Variants in ARMC6 observed in about 807,000 individuals in gnomAD.
ARMC6 encodes armadillo repeat-containing protein 6.
ARMC6 carries 43 observed loss-of-function variants against 49.2 expected under a neutral mutation model. The observed-to-expected ratio is 0.87, with a 90% CI of 0.69 to 1.13. The LOEUF is 1.13. Among genes scored for constraint, ARMC6 ranks in the 50% most tolerant of loss-of-function variants. ARMC6 has a pLI of 0.00. For missense variants in ARMC6, 627 were observed against 682.0 expected (o/e 0.92, Z 0.90); for synonymous variants, 262 against 289.6 (o/e 0.90, Z 0.97).
chr19:19,048,072 T>G (rs1441161583), intron 4 of ARMC6, among the ~76,000 whole-genome samples: 1 of 151,848 alleles, frequency 6.6e-6, no homozygotes, highest in Non-Finnish European at 1.5e-5. Context: ...TTAGGCCACG[T>G]GTGGTGGCTC....
rs1003446599 is a variant in ARMC6 at position 19,058,015 on chromosome 19, C to T, written c.*387C>T. 8 of 334,424 alleles carry T rather than the reference C, an allele frequency of 2.4e-5. No homozygotes were observed. The highest frequency in any genetic ancestry group is 2.3e-4 in the East Asian group (3 of 12,816). The allele number at this position is 334,424 out of a possible 1,614,324, so 20.7% of individuals were successfully genotyped here. A position where few individuals can be genotyped will look rare whatever the true frequency, so the allele number is the denominator to read the frequency against. On this transcript the variant is annotated 3_prime_UTR_variant, in exon 9 of 9. Transcript: ENST00000535612. ...ATTCCAGTGGGGTTGGGCCCCCTGG[C>T]GCCTGCTGCTTACTGCAGTTTCATG...
At chr19:19,056,323 G>A (rs1328064532) in intron 8 of ARMC6, among the ~76,000 whole-genome samples, 1 of 149,236 alleles carries the variant, frequency 6.7e-6, no homozygotes, top group Non-Finnish European at 1.5e-5. Flanking sequence ...GTGCAGTGGC[G>A]CCATCTCAGC....
chr19:19,044,759 G>C (rs934224938), intron 4 of ARMC6, among the ~76,000 whole-genome samples: 3 of 152,218 alleles, frequency 2.0e-5, no homozygotes, highest in Non-Finnish European at 2.9e-5. Flanking sequence ...CCATTGTAGA[G>C]ATGGGGACAT....
chr19:19,042,649 G>T, intron 2 of ARMC6, 62 bp from the exon 3 acceptor site: 3 of 1,576,852 alleles, frequency 1.9e-6, no homozygotes, highest in Non-Finnish European at 2.6e-6. Flanking sequence ...TTTCAAGGTG[G>T]CCAGGCCCTG....
Position 19,055,793 on chromosome 19 carries a change from G to A in ARMC6, c.1158G>A (p.Val386=). 1 of 1,568,014 alleles carries A rather than the reference G, an allele frequency of 6.4e-7. No individual in the cohort carries two copies. Among genetic ancestry groups the A allele is most frequent in the Non-Finnish European group, 8.7e-7 (1 of 1,149,070 alleles). ...CTTTCTGTGACTGGCCCCTGCAGGT[G>A]TGTGAGCAGAGCTGCGCGGCCCTGT... ...AMTQHLTSPQ[V]CEQSCAALCF... The change falls in exon 8 of 9, where the codon GTG becomes GTA. Residue 386 remains valine, a splice_region_variant and synonymous_variant. Coordinates refer to ENST00000535612, the MANE Select transcript of ARMC6 (RefSeq NM_001199196.2). This position sits in a 1 kb window ranked among gnomAD's most constrained non-coding sequence, Gnocchi z 5.7.
rs1367823876 is a variant in ARMC6 at position 19,055,698 on chromosome 19, C to T, written c.1156-93C>T. On this transcript the variant is annotated intron_variant, in intron 7 of 8. Coordinates refer to ENST00000535612, the MANE Select transcript of ARMC6 (RefSeq NM_001199196.2). The surrounding 1 kb of genome is among the most constrained non-coding windows in gnomAD (Gnocchi z 5.7). ...TGCCAGAGACCCACGGAGGGGAGGC[C>T]GCAGGGTGTTCACCAGGGGTTGGTG... 44 of 1,483,794 alleles carry T rather than the reference C, an allele frequency of 3.0e-5. No individual in the cohort carries two copies. Among genetic ancestry groups the T allele is most frequent in the African/African-American group, 1.3e-4 (9 of 71,484 alleles). 91.9% of individuals were successfully genotyped at this position (1,483,794 alleles called of 1,614,324 possible).
intron 2 of ARMC6, among the ~76,000 whole-genome samples, chr19:19,039,036 C>T (rs984898306): frequency 2.0e-5 from 3 of 152,122 alleles, no homozygotes; most frequent in Non-Finnish European, 4.4e-5. Context: ...ATTACAGGCA[C>T]AAGTCATTGC....
At position 19,054,336 on chromosome 19, in the gene ARMC6, T is replaced by C; in HGVS notation, c.1023+15T>C. On this transcript the variant is annotated intron_variant, in intron 6 of 8. Coordinates refer to ENST00000535612, the MANE Select transcript of ARMC6 (RefSeq NM_001199196.2). ...GCGGCGTTCAGGTATGAAGTCCCCCTGGCCCATTGCGTGCTGTCCTTCTGG... is the reference window on the plus strand; with the variant it reads ...GCGGCGTTCAGGTATGAAGTCCCCCCGGCCCATTGCGTGCTGTCCTTCTGG... 2.6e-6 allele frequency: 4 copies of C among 1,533,204 alleles called. No individual in the cohort carries two copies. Among genetic ancestry groups the C allele is most frequent in the East Asian group, 2.5e-5 (1 of 40,644 alleles). The allele number at this position is 1,533,204 out of a possible 1,614,324, so 95.0% of individuals were successfully genotyped here. A position where few individuals can be genotyped will look rare whatever the true frequency, so the allele number is the denominator to read the frequency against.
At chr19:19,040,509 C>T (rs765182862) in intron 2 of ARMC6, among the ~76,000 whole-genome samples, 19 of 152,100 alleles carry the variant, frequency 1.2e-4, no homozygotes, top group Non-Finnish European at 2.4e-4. Flanking sequence ...CTCCTGGATT[C>T]AAGTGATCCT....
intron 8 of ARMC6, among the ~76,000 whole-genome samples, chr19:19,056,343 C>T (rs927051193): frequency 2.7e-5 from 4 of 150,396 alleles, no homozygotes; most frequent in African/African-American, 7.4e-5. Flanking sequence ...CTCACTGCAA[C>T]CTCTGCCTCC....
chr19:19,057,872 CCTG>C lies in ARMC6; in HGVS notation c.*247_*249del, dbSNP rs372694639. ...CAGCCAGCAGCACGGATGTTACTGT[CCTG>C]CTCCTTCCCCCAGCCCCACGCCCTA... On this transcript the variant is annotated 3_prime_UTR_variant, in exon 9 of 9. Transcript: ENST00000535612. 3,043 of 660,732 alleles carry C rather than the reference CCTG, an allele frequency of 4.6e-3. 18 individuals carry two copies. Among genetic ancestry groups the C allele is most frequent in the Middle Eastern group, 0.026 (91 of 3,434 alleles). The allele number at this position is 660,732 out of a possible 1,614,324, so 40.9% of individuals were successfully genotyped here.
intron 4 of ARMC6, 69 bp downstream of exon 4, chr19:19,044,143 C>G: frequency 6.8e-7 from 1 of 1,469,694 alleles, no homozygotes; most frequent in East Asian, 2.3e-5. Context: ...TCCCTGTTTC[C>G]TGGATGGCAG....
At position 19,034,348 on chromosome 19, in the gene ARMC6, G is replaced by A. The variant is rs970574820; in HGVS notation, c.29+110G>A. ...TTGAGTGCTGGGAAGGATGAGAAAG[G>A]CGGGGAAGAGGAACTTGGAAGGCTT... is the stretch of plus-strand genomic sequence containing the variant. On this transcript the variant is annotated intron_variant, in intron 2 of 8. Coordinates refer to ENST00000535612, the MANE Select transcript of ARMC6 (RefSeq NM_001199196.2). 3.4e-5 allele frequency: 46 copies of A among 1,349,730 alleles called. No homozygotes were observed. In the African/African-American group the frequency reaches 5.3e-4, roughly 16 times the overall value. The allele number at this position is 1,349,730 out of a possible 1,614,324, so 83.6% of individuals were successfully genotyped here. A position where few individuals can be genotyped will look rare whatever the true frequency, so the allele number is the denominator to read the frequency against.
chr19:19,038,723 G>T (rs950254556), intron 2 of ARMC6, among the ~76,000 whole-genome samples: 5 of 151,650 alleles, frequency 3.3e-5, no homozygotes, highest in African/African-American at 9.7e-5. Context: ...GATTACAGGC[G>T]CCCCACTAAT....
At position 19,042,788 on chromosome 19, in the gene ARMC6, T is replaced by G. The variant is rs771050991; in HGVS notation, c.107T>G (p.Phe36Cys). Residue 36 changes from phenylalanine (F) to cysteine (C), a missense_variant, in exon 3 of 9, where the codon TTT (phenylalanine) becomes TGT (cysteine). Transcript: ENST00000535612. ...MVSKRIAQETFDAAVRENIEE... is the reference protein window; with the variant it reads ...MVSKRIAQETCDAAVRENIEE... Reference sequence around the variant, plus strand: ...TCCAAGCGCATTGCCCAGGAGACCTTTGATGCAGCTGTGCGCGAGAACATC... The same window carrying G: ...TCCAAGCGCATTGCCCAGGAGACCTGTGATGCAGCTGTGCGCGAGAACATC... The G allele has an allele frequency of 1.9e-6, 3 of 1,614,068 alleles. No individual in the cohort carries two copies. The highest frequency in any genetic ancestry group is 1.7e-6 in the Non-Finnish European group (2 of 1,180,044).
chr19:19,047,686 CT>C (rs2059462310), intron 4 of ARMC6, among the ~76,000 whole-genome samples: 1 of 152,184 alleles, frequency 6.6e-6, no homozygotes, highest in Non-Finnish European at 1.5e-5. Context: ...TGAAAATACT[CT>C]ATAAAATATT....
At position 19,051,988 on chromosome 19, in the gene ARMC6, C is replaced by G. The variant is rs1599646884; in HGVS notation, c.646C>G (p.Leu216Val). The change falls in exon 5 of 9, where the codon CTG becomes GTG. Residue 216 changes from leucine (L) to valine (V), a missense_variant. By Grantham distance (32) the Leu-to-Val change is conservative. Transcript: ENST00000535612. Reference protein sequence around the residue: ...CLKHEQNRQDLVKAGVLPLLT... With the variant: ...CLKHEQNRQDVVKAGVLPLLT... The stretch of plus-strand genomic sequence containing the variant: ...GAAACATGAACAGAATCGGCAAGAC[C>G]TGGTGAAAGCTGGCGTGCTGCCTCT... 1 of 1,614,092 alleles carries G rather than the reference C, an allele frequency of 6.2e-7. No homozygotes were observed. Among genetic ancestry groups the G allele is most frequent in the East Asian group, 2.2e-5 (1 of 44,890 alleles).
chr19:19,040,826 T>C, intron 2 of ARMC6: 1 of 421,866 alleles, frequency 2.4e-6, no homozygotes, highest in Non-Finnish European at 4.7e-6. Flanking sequence ...ATTTTGATTT[T>C]GATATGTACT....
chr19:19,054,775 C>G (rs567343461), intron 6 of ARMC6, among the ~76,000 whole-genome samples: 141 of 152,330 alleles, frequency 9.3e-4, no homozygotes, highest in Non-Finnish European at 1.4e-3. Flanking sequence ...CCTGCGCCCC[C>G]AAGCCCAGCT....
Sources: gnomAD v4.1 joint callset for allele counts (sites outside exome capture counted in the v4.1 genomes callset) on GRCh38, gnomAD v4.1.1 for gene constraint, Gnocchi (gnomAD v3.1) non-coding constraint, MANE v1.5 for transcripts, NCBI Gene and HGNC (gene_info 2026-07-23, HGNC 2026-07-21) for gene names.